TRIM8: variants seen among roughly 807,000 people sequenced by gnomAD.
TRIM8 encodes E3 ubiquitin-protein ligase TRIM8.
A neutral mutation model predicts 55.7 loss-of-function variants in TRIM8; 9 were observed. The ratio of observed to expected loss-of-function variants is 0.16; its 90% confidence interval spans 0.10 to 0.28. TRIM8 has a LOEUF of 0.28. Among genes scored for constraint, TRIM8 ranks in the 10% least tolerant of loss-of-function variants. The pLI is 1.00. For missense variants in TRIM8, 556 were observed against 736.4 expected (o/e 0.76, Z 2.83); for synonymous variants, 335 against 333.3 (o/e 1.01, Z -0.06).
At chr10:102,650,315 T>C (rs2063974012) in intron 1 of TRIM8, among the ~76,000 whole-genome samples, 1 of 152,004 alleles carries the variant, frequency 6.6e-6, no homozygotes, top group Non-Finnish European at 1.5e-5. Context: ...GGGCTCAGGG[T>C]TCGCTGCTCC....
chr10:102,657,924 C>A lies in TRIM8; in HGVS notation c.*570C>A, dbSNP rs557807779. On this transcript the variant is annotated 3_prime_UTR_variant, in exon 6 of 6. Coordinates refer to ENST00000643721, the MANE Select transcript of TRIM8 (RefSeq NM_030912.3). ...TCCTTCTCCTCACCATCTTCCCAGA[C>A]GGAGTTCAAAGGCCACTTCTCAAGC... 6.6e-6 allele frequency: 1 copy of A among 152,616 alleles called. No homozygotes were observed. The highest frequency in any genetic ancestry group is 2.1e-4 in the South Asian group (1 of 4,824). 9.5% of individuals were successfully genotyped at this position (152,616 alleles called of 1,614,324 possible).
intron 1 of TRIM8, chr10:102,654,369 G>A (rs553614105): frequency 1.1e-4 from 32 of 279,022 alleles, no homozygotes; most frequent in African/African-American, 5.9e-4. Flanking sequence ...CCGGGGAGGC[G>A]GAGGTTACAG....
At chr10:102,651,595 G>A (rs987429430) in intron 1 of TRIM8, among the ~76,000 whole-genome samples, 3 of 152,258 alleles carry the variant, frequency 2.0e-5, no homozygotes, top group Non-Finnish European at 2.9e-5. Flanking sequence ...CAGCCATGCA[G>A]TAAGCCTGTG....
Position 102,648,988 on chromosome 10 carries a change from T to C in TRIM8, c.570+3801T>C, listed in dbSNP as rs570493202. Among the ~76,000 whole-genome samples the C allele has an allele frequency of 1.1e-4, 17 of 152,174 alleles. No individual in the cohort carries two copies. The East Asian group carries it at 3.3e-3, about 29-fold the overall frequency. On this transcript the variant is annotated intron_variant, in intron 1 of 5. Coordinates refer to ENST00000643721, the MANE Select transcript of TRIM8 (RefSeq NM_030912.3). Reference sequence around the variant, plus strand: ...TGTCATGCACACACTATTATTACTCTGCCTTCTGCGGCCCTGGGTGGCTGC... The same window carrying C: ...TGTCATGCACACACTATTATTACTCCGCCTTCTGCGGCCCTGGGTGGCTGC...
chr10:102,657,945 CA>C lies in TRIM8; in HGVS notation c.*593del, dbSNP rs2064042712. 6.6e-6 allele frequency: 1 copy of C among 152,566 alleles called. No homozygotes were observed. Among genetic ancestry groups the C allele is most frequent in the South Asian group, 2.1e-4 (1 of 4,830 alleles). The allele number at this position is 152,566 out of a possible 1,614,324, so 9.5% of individuals were successfully genotyped here. ...CAGACGGAGTTCAAAGGCCACTTCT[CA>C]AGCAGCTTTTGGCACCTTCAGCCTC... On this transcript the variant is annotated 3_prime_UTR_variant, in exon 6 of 6. Coordinates refer to ENST00000643721, the MANE Select transcript of TRIM8 (RefSeq NM_030912.3).
At chr10:102,649,013 C>G (rs1404669668) in intron 1 of TRIM8, among the ~76,000 whole-genome samples, 3 of 144,794 alleles carry the variant, frequency 2.1e-5, no homozygotes, top group African/African-American at 7.9e-5. Context: ...TGGGTGGCTG[C>G]ACATCTGTGT....
chr10:102,657,481 C>A lies in TRIM8; in HGVS notation c.*127C>A. The A allele has an allele frequency of 2.5e-6, 3 of 1,205,354 alleles. No homozygotes were observed. The highest frequency in any genetic ancestry group is 3.4e-6 in the Non-Finnish European group (3 of 890,874). 74.7% of individuals were successfully genotyped at this position (1,205,354 alleles called of 1,614,324 possible). On this transcript the variant is annotated 3_prime_UTR_variant, in exon 6 of 6. Transcript: ENST00000643721. ...TCTTCCTCATTCCATTGCCCCAGGT[C>A]TTTTCCTTTTGGATTTTGTTTTGGT...
Position 102,657,441 on chromosome 10 carries a change from C to A in TRIM8, c.*87C>A. The A allele has an allele frequency of 6.9e-7, 1 of 1,440,096 alleles. No individual in the cohort carries two copies. Among genetic ancestry groups the A allele is most frequent in the African/African-American group, 1.4e-5 (1 of 70,118 alleles). 89.2% of individuals were successfully genotyped at this position (1,440,096 alleles called of 1,614,324 possible). On this transcript the variant is annotated 3_prime_UTR_variant, in exon 6 of 6. Transcript: ENST00000643721. ...TGCATCCAGAGACCTGCCCTTCTAC[C>A]TTCCTCGCCTCCCCTCTTCCTCATT... is the stretch of plus-strand genomic sequence containing the variant.
rs113472664 is a variant in TRIM8 at position 102,654,802 on chromosome 10, T to C, written c.666+54T>C. ...GTGGGGGTGGCTTGAGCGCAGGGCT[T>C]TGGGTGAGTTCCTTACTAAGGATTG... On this transcript the variant is annotated intron_variant, in intron 2 of 5. Coordinates refer to ENST00000643721, the MANE Select transcript of TRIM8 (RefSeq NM_030912.3). The C allele has an allele frequency of 2.3e-5, 30 of 1,318,012 alleles. No homozygotes were observed. In the African/African-American group the frequency reaches 3.6e-4, roughly 16 times the overall value. The allele number at this position is 1,318,012 out of a possible 1,614,324, so 81.6% of individuals were successfully genotyped here.
chr10:102,644,563 C>G lies in TRIM8; in HGVS notation c.-55C>G, dbSNP rs755053515. 2 of 1,553,958 alleles carry G rather than the reference C, an allele frequency of 1.3e-6. No homozygotes were observed. Among genetic ancestry groups the G allele is most frequent in the African/African-American group, 1.4e-5 (1 of 73,268 alleles). On this transcript the variant is annotated 5_prime_UTR_variant, in exon 1 of 6. Coordinates refer to ENST00000643721, the MANE Select transcript of TRIM8 (RefSeq NM_030912.3). Reference sequence around the variant, plus strand: ...TGGGCCTACAGCGGCTCCGGACGGACCCCCGGGGCTGGGGAGTCGGGGAGG... The same window carrying G: ...TGGGCCTACAGCGGCTCCGGACGGAGCCCCGGGGCTGGGGAGTCGGGGAGG...
At chr10:102,654,490 G>A (rs755475472) in intron 1 of TRIM8, 163 bp from the exon 2 acceptor site, 138 of 659,694 alleles carry the variant, frequency 2.1e-4, no homozygotes, top group Non-Finnish European at 7.7e-5. Context: ...GGGAGAGCTG[G>A]GAATAGGCCC....
chr10:102,644,980 G>A lies in TRIM8; in HGVS notation c.363G>A (p.Thr121=). ...CCTGCTGCCAGTCCCACGTGCAGAC[G>A]CACCTGCAGCAGCCCTCCACCGCCC... The part of the protein sequence containing the change: ...EAPCCQSHVQ[T]HLQQPSTARG... The change falls in exon 1 of 6, where the codon ACG becomes ACA. Residue 121 remains threonine, a synonymous_variant. Transcript: ENST00000643721. 6.3e-7 allele frequency: 1 copy of A among 1,598,318 alleles called. No individual in the cohort carries two copies. The highest frequency in any genetic ancestry group is 2.3e-5 in the East Asian group (1 of 44,332).
chr10:102,651,150 C>T (rs1295617224), intron 1 of TRIM8, among the ~76,000 whole-genome samples: 1 of 152,204 alleles, frequency 6.6e-6, no homozygotes, highest in African/African-American at 2.4e-5. Flanking sequence ...GACAGGAGCC[C>T]AGTGGCCTCA....
At chr10:102,654,602 C>A in intron 1 of TRIM8, 51 bp from the exon 2 acceptor site, 2 of 1,395,954 alleles carry the variant, frequency 1.4e-6, no homozygotes, top group Non-Finnish European at 2.0e-6. Flanking sequence ...AAGCATGGGT[C>A]AGGGTTGGAG....
At chr10:102,649,936 G>A (rs2063966568) in intron 1 of TRIM8, among the ~76,000 whole-genome samples, 1 of 152,128 alleles carries the variant, frequency 6.6e-6, no homozygotes, top group Admixed American at 6.5e-5. Context: ...GTTAGGATGG[G>A]GTGGCTCTGA....
chr10:102,647,921 C>G (rs1050131934), intron 1 of TRIM8, among the ~76,000 whole-genome samples: 2 of 152,186 alleles, frequency 1.3e-5, no homozygotes, highest in Non-Finnish European at 2.9e-5. Flanking sequence ...GAGCAGGGAC[C>G]CAGCAGGAGA....
In TRIM8 at chr10:102,655,145, C is replaced by G; in HGVS notation, c.732C>G (p.Asp244Glu). The G allele has an allele frequency of 6.2e-7, 1 of 1,611,938 alleles. No individual in the cohort carries two copies. The highest frequency in any genetic ancestry group is 8.5e-7 in the Non-Finnish European group (1 of 1,179,454). Residue 244 changes from aspartate (D) to glutamate (E), a missense_variant, in exon 3 of 6, where the codon GAC becomes GAG. Coordinates refer to ENST00000643721, the MANE Select transcript of TRIM8 (RefSeq NM_030912.3). ...LQYEKLHQLL[D>E]EDLRQTVEVL... ...ACGAGAAGCTGCACCAGCTGCTGGACGAGGACCTGCGGCAGACAGTGGAGG... is the reference window on the plus strand; with the variant it reads ...ACGAGAAGCTGCACCAGCTGCTGGAGGAGGACCTGCGGCAGACAGTGGAGG...
chr10:102,654,930 A>C, intron 2 of TRIM8, 150 bp from the exon 3 acceptor site: 1 of 969,358 alleles, frequency 1.0e-6, no homozygotes, highest in Non-Finnish European at 1.6e-6. Flanking sequence ...CTGTGCTACC[A>C]GTGGGGAACT....
In TRIM8 at chr10:102,644,525, G is replaced by T. The variant is rs1262788578; in HGVS notation, c.-93G>T. On this transcript the variant is annotated 5_prime_UTR_variant, in exon 1 of 6. Coordinates refer to ENST00000643721, the MANE Select transcript of TRIM8 (RefSeq NM_030912.3). Reference sequence around the variant, plus strand: ...ACCGTCGGGGCCGGCTGGGGCCGGAGCTCGGGGCTCGGTGGGCCTACAGCG... The same window carrying T: ...ACCGTCGGGGCCGGCTGGGGCCGGATCTCGGGGCTCGGTGGGCCTACAGCG... 1 of 1,254,162 alleles carries T rather than the reference G, an allele frequency of 8.0e-7. No individual in the cohort carries two copies. The allele number at this position is 1,254,162 out of a possible 1,614,324, so 77.7% of individuals were successfully genotyped here. A position where few individuals can be genotyped will look rare whatever the true frequency, so the allele number is the denominator to read the frequency against.
Sources: gnomAD v4.1 joint callset for allele counts (sites outside exome capture counted in the v4.1 genomes callset) on GRCh38, gnomAD v4.1.1 for gene constraint, MANE v1.5 for transcripts, NCBI Gene and HGNC (gene_info 2026-07-23, HGNC 2026-07-21) for gene names.